Variants in RARB observed in about 807,000 individuals in gnomAD.
RARB encodes retinoic acid receptor beta.
Under a neutral mutation model 51.9 loss-of-function variants are expected in RARB, and 17 were observed. The observed-to-expected ratio is 0.33, with a 90% CI of 0.22 to 0.49. The LOEUF (loss-of-function observed/expected upper bound fraction) is 0.49, where lower values mean the gene tolerates loss of function less well. RARB is among the 20% of genes least tolerant of loss of function. RARB has a pLI of 0.99. For missense variants in RARB, 369 were observed against 550.8 expected (o/e 0.67, Z 3.30); for synonymous variants, 215 against 195.4 (o/e 1.10, Z -0.84).
intron 3 of RARB, among the ~76,000 whole-genome samples, chr3:25,066,831 A>G (rs1698673920): frequency 6.6e-6 from 1 of 152,124 alleles, no homozygotes; most frequent in African/African-American, 2.4e-5. Context: ...TAAACCTCAC[A>G]TAATAAGTTA....
intron 2 of RARB, among the ~76,000 whole-genome samples, chr3:24,872,800 G>GAAC (rs1295889294): frequency 6.6e-6 from 1 of 152,142 alleles, no homozygotes; most frequent in Non-Finnish European, 1.5e-5. Context: ...ACAAACATCT[G>GAAC]AACTATAGCA....
At chr3:25,459,836 C>G (rs1695085746) in intron 1 of RARB, among the ~76,000 whole-genome samples, 3 of 152,164 alleles carry the variant, frequency 2.0e-5, no homozygotes, top group Non-Finnish European at 4.4e-5. Context: ...AATTTGGAGA[C>G]TAGAAGATTC....
intron 3 of RARB, among the ~76,000 whole-genome samples, chr3:25,074,311 A>G (rs1698827962): frequency 6.6e-6 from 1 of 152,240 alleles, no homozygotes; most frequent in South Asian, 2.1e-4. Flanking sequence ...ATAGGTGGCT[A>G]AAAATAGCAT....
chr3:25,569,816 G>A lies in RARB; in HGVS notation c.507G>A (p.Glu169=), dbSNP rs1700638543. The change falls in exon 4 of 8, where the codon GAG becomes GAA. Residue 169 remains glutamate, a synonymous_variant. Transcript: ENST00000330688. ...AGACTTCGAAGCAAGAATGCACAGAGAGCTATGAAATGACAGCTGAGTTGG... is the reference window on the plus strand; with the variant it reads ...AGACTTCGAAGCAAGAATGCACAGAAAGCTATGAAATGACAGCTGAGTTGG... ...KKETSKQECT[E]SYEMTAELDD... is the part of the protein sequence containing the mutation. The A allele has an allele frequency of 1.9e-6, 3 of 1,614,098 alleles. No individual in the cohort carries two copies. The highest frequency in any genetic ancestry group is 1.3e-5 in the African/African-American group (1 of 74,930).
At chr3:25,007,946 A>T (rs1450144225) in intron 2 of RARB, among the ~76,000 whole-genome samples, 1 of 152,100 alleles carries the variant, frequency 6.6e-6, no homozygotes, top group East Asian at 1.9e-4. Context: ...TGATACTATG[A>T]TGATCATTGT....
intron 5 of RARB, among the ~76,000 whole-genome samples, chr3:25,262,019 C>T (rs182678401): frequency 5.9e-5 from 9 of 152,256 alleles, no homozygotes; most frequent in Admixed American, 4.6e-4. Context: ...GACACTGTTA[C>T]TCTCTGGATT....
At chr3:25,519,019 C>T (rs765896730) in intron 3 of RARB, among the ~76,000 whole-genome samples, 6 of 152,158 alleles carry the variant, frequency 3.9e-5, no homozygotes, top group Non-Finnish European at 8.8e-5. Flanking sequence ...TTGAACTTCA[C>T]CTACACAGAG....
chr3:24,977,950 A>AT, intron 2 of RARB, among the ~76,000 whole-genome samples: 1 of 152,082 alleles, frequency 6.6e-6, no homozygotes, highest in East Asian at 1.9e-4. Context: ...TTTATTGAGA[A>AT]TTTTTAGCAT....
intron 1 of RARB, among the ~76,000 whole-genome samples, chr3:25,438,972 C>T (rs563537335): frequency 6.6e-6 from 1 of 152,274 alleles, no homozygotes; most frequent in South Asian, 2.1e-4. Context: ...ATCCTGTTTG[C>T]TGTTGAAGTC....
intron 1 of RARB, among the ~76,000 whole-genome samples, chr3:24,856,362 T>G (rs1559372701): frequency 6.6e-6 from 1 of 152,140 alleles, no homozygotes; most frequent in South Asian, 2.1e-4. Context: ...TATTAAGGAC[T>G]AGAAACATGT....
At position 25,530,185 on chromosome 3, in the gene RARB, G is replaced by A. The variant is rs541780677; in HGVS notation, c.448+28862G>A. Among the ~76,000 whole-genome samples, 15 of 152,304 alleles carry A rather than the reference G, an allele frequency of 9.8e-5. No homozygotes were observed. The South Asian group carries it at 3.1e-3, about 32-fold the overall frequency. On this transcript the variant is annotated intron_variant, in intron 3 of 7. Transcript: ENST00000330688. ...GGGTCTGGCACATCATAGGAGTTCA[G>A]AAGGACTTGTGAAGTTTTGTTGAGA...
At chr3:25,052,860 T>C (rs1254106667) in intron 2 of RARB, among the ~76,000 whole-genome samples, 3 of 150,992 alleles carry the variant, frequency 2.0e-5, no homozygotes, top group Non-Finnish European at 4.4e-5. Flanking sequence ...AAAAGTGGGG[T>C]CACAAGTGAG....
At chr3:24,895,964 A>G (rs1052956592) in intron 2 of RARB, among the ~76,000 whole-genome samples, 3 of 152,356 alleles carry the variant, frequency 2.0e-5, no homozygotes, top group Non-Finnish European at 2.9e-5. Context: ...AACAAATCAT[A>G]TCTATAAAAA....
intron 2 of RARB, among the ~76,000 whole-genome samples, chr3:24,859,304 G>C (rs557100426): frequency 2.0e-5 from 3 of 152,252 alleles, no homozygotes; most frequent in African/African-American, 7.2e-5. Context: ...GTTGGGGAGA[G>C]AGTTGTGACT....
intron 2 of RARB, among the ~76,000 whole-genome samples, chr3:25,495,972 A>G (rs533321641): frequency 6.6e-6 from 1 of 152,358 alleles, no homozygotes; most frequent in African/African-American, 2.4e-5. Context: ...GTCACAGCCA[A>G]CAGAGGCCCT....
intron 5 of RARB, among the ~76,000 whole-genome samples, chr3:25,272,907 TAC>T (rs141641198): frequency 1.6e-3 from 243 of 152,324 alleles, no homozygotes; most frequent in Middle Eastern, 3.4e-3. Flanking sequence ...GGCTGCTTAT[TAC>T]ACACCTCCAA....
chr3:25,145,703 T>C (rs887303384), intron 4 of RARB, among the ~76,000 whole-genome samples: 1 of 152,048 alleles, frequency 6.6e-6, no homozygotes, highest in African/African-American at 2.4e-5. Flanking sequence ...GCTCTTCTTA[T>C]ACCTTGTCAA....
intron 5 of RARB, among the ~76,000 whole-genome samples, chr3:25,369,876 C>T (rs1575349234): frequency 1.3e-5 from 2 of 151,870 alleles, no homozygotes; most frequent in African/African-American, 2.4e-5. Flanking sequence ...GAGCCAAGAT[C>T]GTGCCATTGC....
At chr3:25,535,147 G>T (rs1419636246) in intron 3 of RARB, among the ~76,000 whole-genome samples, 1 of 152,212 alleles carries the variant, frequency 6.6e-6, no homozygotes, top group African/African-American at 2.4e-5. Flanking sequence ...CAAGCTGAGT[G>T]TTCTGTTGGT....
Sources: gnomAD v4.1 joint callset for allele counts (sites outside exome capture counted in the v4.1 genomes callset) on GRCh38, gnomAD v4.1.1 for gene constraint, MANE v1.5 for transcripts, NCBI Gene and HGNC (gene_info 2026-07-23, HGNC 2026-07-21) for gene names.